The following FAM161A variants were observed in gnomAD, a reference collection of about 807,000 sequenced individuals.
FAM161A encodes protein FAM161A.
FAM161A carries 57 observed loss-of-function variants against 70.9 expected under a neutral mutation model. The ratio of observed to expected loss-of-function variants is 0.80; its 90% CI spans 0.65 to 1.00. FAM161A has a LOEUF of 1.00. FAM161A is among the 50% of genes least tolerant of loss of function. The probability of loss-of-function intolerance (pLI) is 0.00; values close to 1 mark genes in which losing one functional copy is unlikely to be tolerated. For missense variants in FAM161A, 880 were observed against 836.0 expected, an observed-to-expected ratio of 1.05 and a Z score of -0.65; for synonymous variants, 299 against 295.7, an observed-to-expected ratio of 1.01 and a Z score of -0.12.
chr2:61,819,394 C>T, the FAM161A span, among the ~76,000 whole-genome samples: 1 of 152,064 alleles, frequency 6.6e-6, no homozygotes, highest in African/African-American at 2.4e-5. Context: ...GCCCAGGAGG[C>T]AGAGGTTACA....
At position 61,824,931 on chromosome 2, in the gene FAM161A, G is replaced by T. The variant is rs902879244; in HGVS notation, c.*1524C>A. The T allele has an allele frequency of 1.5e-5, 7 of 452,180 alleles. No individual in the cohort carries two copies. Among genetic ancestry groups the T allele is most frequent in the Non-Finnish European group, 3.1e-5 (7 of 226,406 alleles). The allele number at this position is 452,180 out of a possible 1,614,324, so 28.0% of individuals were successfully genotyped here. ...CCAAATATTAAGGGAATACAAAGAT[G>T]AATTTTTAAATGGTGCCAAATCCCA... On this transcript the variant is annotated 3_prime_UTR_variant, in exon 7 of 7. Coordinates refer to ENST00000404929, the MANE Select transcript of FAM161A (RefSeq NM_001201543.2).
chr2:61,803,243 T>G, the FAM161A span: 1 of 614,830 alleles, frequency 1.6e-6, no homozygotes, highest in Non-Finnish European at 3.1e-6. Context: ...GATGTCATCT[T>G]TGTATTTGCA....
At chr2:61,804,336 C>A in the FAM161A span, among the ~76,000 whole-genome samples, 5 of 152,082 alleles carry the variant, frequency 3.3e-5, no homozygotes, top group African/African-American at 7.2e-5. Context: ...TTAGAGAATG[C>A]CTTAACCGTC....
chr2:61,824,193 A>ATT (rs5831622), downstream of FAM161A, among the ~76,000 whole-genome samples: 71,067 of 127,450 alleles, frequency 0.56, 20,361 homozygotes, highest in East Asian at 0.82. Flanking sequence ...CGCCTGGCTA[A>ATT]TTTTTTTTTT....
At position 61,838,854 on chromosome 2, in the gene FAM161A, ATATT is replaced by A. The variant is rs10645430; in HGVS notation, c.1584-153_1584-150del. On this transcript the variant is annotated intron_variant, in intron 3 of 6. Coordinates refer to ENST00000404929, the MANE Select transcript of FAM161A (RefSeq NM_001201543.2). ...AAGGATCTGACCTGTAAAACTAGAA[ATATT>A]TATTTATTTATTTATTTATTTATTT... 3.8e-3 allele frequency: 569 copies of A among 151,170 alleles called. 3 individuals are homozygous for A. The highest frequency in any genetic ancestry group is 4.8e-3 in the Non-Finnish European group (378 of 79,354). The allele number at this position is 151,170 out of a possible 1,614,324, so 9.4% of individuals were successfully genotyped here.
chr2:61,847,604 CTACAAAAAA>C (rs1235231311), intron 1 of FAM161A, among the ~76,000 whole-genome samples: 3 of 151,972 alleles, frequency 2.0e-5, no homozygotes, highest in Non-Finnish European at 2.9e-5. Flanking sequence ...GGCCTCATCT[CTACAAAAAA>C]TACAAAAAAT....
intron 5 of FAM161A, among the ~76,000 whole-genome samples, chr2:61,834,494 G>C (rs778167387): frequency 2.9e-4 from 43 of 150,446 alleles, no homozygotes; most frequent in Non-Finnish European, 2.8e-4. Context: ...TAGAATTTTG[G>C]TCTTGTTGCT....
intron 1 of FAM161A, among the ~76,000 whole-genome samples, chr2:61,846,596 T>C (rs1673222747): frequency 6.6e-6 from 1 of 152,202 alleles, no homozygotes; most frequent in South Asian, 2.1e-4. Context: ...GGTGTTAAAC[T>C]AGTGTCTCTC....
intron 1 of FAM161A, among the ~76,000 whole-genome samples, chr2:61,847,301 T>G (rs968657055): frequency 6.6e-6 from 1 of 152,166 alleles, no homozygotes; most frequent in Non-Finnish European, 1.5e-5. Context: ...AATGTTGTCT[T>G]CTCAATAAGG....
At chr2:61,836,150 T>G (rs1471711522) in intron 4 of FAM161A, 41 bp from the exon 5 acceptor site, 11 of 1,350,696 alleles carry the variant, frequency 8.1e-6, no homozygotes, top group Middle Eastern at 2.0e-4. Context: ...AAAGATCATC[T>G]AAGAAATAAG....
At chr2:61,835,970 A>T in intron 5 of FAM161A, 40 bp downstream of exon 5, 3 of 1,445,784 alleles carry the variant, frequency 2.1e-6, no homozygotes, top group Non-Finnish European at 2.9e-6. Flanking sequence ...AAAAAAAAAA[A>T]AAAAACTGAC....
chr2:61,839,531 C>T lies in FAM161A; in HGVS notation c.1473G>A (p.Leu491=), dbSNP rs551187535. 1.1e-5 allele frequency: 17 copies of T among 1,614,184 alleles called. No individual in the cohort carries two copies. The East Asian group carries it at 3.6e-4, about 34-fold the overall frequency. Residue 491 remains leucine (L), a synonymous_variant, in exon 3 of 7, where the codon TTG becomes TTA. Coordinates refer to ENST00000404929, the MANE Select transcript of FAM161A (RefSeq NM_001201543.2). ...TTACTGGTGACTTACGCCTTGGAGA[C>T]AAATAAGGCCAACGTGTTTCTTTTA... ...ENLKETRWPY[L]SPRRKSPVRC...
At chr2:61,820,318 A>G, downstream of FAM161A, 3 of 738,426 alleles carry the variant, frequency 4.1e-6, no homozygotes, top group South Asian at 4.2e-5. Flanking sequence ...GGGAATGCTC[A>G]CAGGCTGTGT....
At chr2:61,807,341 G>A in the FAM161A span, among the ~76,000 whole-genome samples, 1 of 151,634 alleles carries the variant, frequency 6.6e-6, no homozygotes, top group Non-Finnish European at 1.5e-5. Context: ...AAAATAAAAG[G>A]CACTTAGGAA....
chr2:61,835,890 CAAT>C (rs1667510372), intron 5 of FAM161A, 117 bp downstream of exon 5: 1 of 771,246 alleles, frequency 1.3e-6, no homozygotes, highest in African/African-American at 1.8e-5. Flanking sequence ...ACACAAACAA[CAAT>C]AATGTATCTC....
In FAM161A at chr2:61,839,762, C is replaced by T. The variant is rs1418818281; in HGVS notation, c.1242G>A (p.Gln414=). The T allele has an allele frequency of 1.2e-6, 2 of 1,614,138 alleles. No homozygotes were observed. Among genetic ancestry groups the T allele is most frequent in the South Asian group, 1.1e-5 (1 of 91,082 alleles). Residue 414 remains glutamine (Q), a synonymous_variant, in exon 3 of 7, where the codon CAG becomes CAA. Transcript: ENST00000404929. ...CGCRNPRCPE[Q]AVKLKCKHKV... ...TGTGTTTACACTTCAACTTTACAGC[C>T]TGTTCAGGACACCTGGGGTTCCTGC...
the FAM161A span, among the ~76,000 whole-genome samples, chr2:61,811,508 C>T: frequency 1.1e-4 from 16 of 152,106 alleles, no homozygotes; most frequent in Non-Finnish European, 1.8e-4. Flanking sequence ...CAGGTAGCTG[C>T]GATTACAGGC....
Position 61,830,510 on chromosome 2 carries a change from G to A in FAM161A, c.1852-3252C>T, listed in dbSNP as rs191971107. Among the ~76,000 whole-genome samples the A allele has an allele frequency of 1.8e-4, 28 of 151,682 alleles. 1 individual carries two copies. The highest frequency in any genetic ancestry group is 5.8e-4 in the African/African-American group (24 of 41,342). ...AGCCCGGCCAACATGGTGAAATCCC[G>A]TCTCTACTAAAAATACAAAAAAAAT... On this transcript the variant is annotated intron_variant, in intron 5 of 6. Coordinates refer to ENST00000404929, the MANE Select transcript of FAM161A (RefSeq NM_001201543.2).
chr2:61,804,768 G>GAGAAGAAAGAA, the FAM161A span, among the ~76,000 whole-genome samples: 1 of 118,952 alleles, frequency 8.4e-6, no homozygotes, highest in East Asian at 2.5e-4. Context: ...GAAAAAGAAA[G>GAGAAGAAAGAA]AGAAAGAAAG....
Sources: allele counts gnomAD v4.1 joint callset (sites outside exome capture counted in the v4.1 genomes callset), GRCh38; gene constraint gnomAD v4.1.1; transcripts MANE v1.5; gene names NCBI Gene and HGNC (gene_info 2026-07-23, HGNC 2026-07-21).